FAM107B: variants seen among roughly 807,000 people sequenced by gnomAD.
The protein encoded by FAM107B is protein FAM107B.
Under a neutral mutation model 31.5 loss-of-function variants are expected in FAM107B, and 21 were observed. The observed-to-expected ratio is 0.67, with a 90% CI of 0.47 to 0.96. The LOEUF (loss-of-function observed/expected upper bound fraction) is 0.96. FAM107B is among the 40% of genes least tolerant of loss of function. The pLI, the probability that FAM107B is intolerant of heterozygous loss-of-function variation, is 0.00. For missense variants in FAM107B, 452 were observed against 377.1 expected (o/e 1.20, Z -1.64); for synonymous variants, 157 against 141.5 (o/e 1.11, Z -0.78).
intron 2 of FAM107B, among the ~76,000 whole-genome samples, chr10:14,651,708 A>C (rs10906730): frequency 0.11 from 16,681 of 152,220 alleles, 1,008 homozygotes; most frequent in South Asian, 0.18. Flanking sequence ...GACTTCCTTG[A>C]GACTGTAGAA....
At chr10:14,571,564 C>T (rs1423025069) in intron 2 of FAM107B, among the ~76,000 whole-genome samples, 1 of 152,154 alleles carries the variant, frequency 6.6e-6, no homozygotes, top group Non-Finnish European at 1.5e-5. Context: ...TTCACAACTA[C>T]ACAAGACACA....
intron 1 of FAM107B, among the ~76,000 whole-genome samples, chr10:14,690,456 AT>A (rs1200586214): frequency 2.0e-5 from 3 of 150,430 alleles, no homozygotes; most frequent in Admixed American, 6.6e-5. Context: ...TTATTTTTTT[AT>A]TTTTTTATTT....
chr10:14,527,736 T>A (rs1439977578), intron 3 of FAM107B, among the ~76,000 whole-genome samples: 1 of 152,310 alleles, frequency 6.6e-6, no homozygotes, highest in Admixed American at 6.5e-5. Flanking sequence ...TTTATTACAA[T>A]ACCATGCAGT....
At chr10:14,658,399 AC>A in intron 2 of FAM107B, among the ~76,000 whole-genome samples, 1 of 151,018 alleles carries the variant, frequency 6.6e-6, no homozygotes, top group South Asian at 2.1e-4. Flanking sequence ...TGAAGGCAAG[AC>A]CCATGTCTGA....
intron 1 of FAM107B, among the ~76,000 whole-genome samples, chr10:14,700,883 T>G (rs894193776): frequency 7.6e-5 from 11 of 145,098 alleles, no homozygotes; most frequent in Admixed American, 4.8e-4. Context: ...AGTAGAGCTA[T>G]GCTCACTTAT....
chr10:14,688,507 A>C (rs951809820), intron 1 of FAM107B, among the ~76,000 whole-genome samples: 2 of 152,220 alleles, frequency 1.3e-5, no homozygotes, highest in Admixed American at 6.5e-5. Flanking sequence ...AACCAACCAA[A>C]AGTCAACCAA....
At chr10:14,562,565 C>T (rs2131185164) in intron 2 of FAM107B, among the ~76,000 whole-genome samples, 1 of 152,310 alleles carries the variant, frequency 6.6e-6, no homozygotes, top group Admixed American at 6.5e-5. Context: ...CTTCCACTTG[C>T]AGGAAAACAG....
At chr10:14,587,486 T>A (rs559735229) in intron 2 of FAM107B, among the ~76,000 whole-genome samples, 2 of 152,344 alleles carry the variant, frequency 1.3e-5, no homozygotes, top group African/African-American at 4.8e-5. Context: ...ATGCCTAGGC[T>A]TATTTTCATG....
intron 2 of FAM107B, among the ~76,000 whole-genome samples, chr10:14,540,571 C>A (rs1394481371): frequency 2.0e-5 from 3 of 152,172 alleles, no homozygotes; most frequent in African/African-American, 7.2e-5. Context: ...AGCTTTCTGC[C>A]CACACTTCCT....
intron 2 of FAM107B, among the ~76,000 whole-genome samples, chr10:14,628,112 G>GTTTTGTTTT (rs1853214273): frequency 1.1e-5 from 1 of 92,676 alleles, no homozygotes; most frequent in South Asian, 4.5e-4. Context: ...TGTTTTGCTG[G>GTTTTGTTTT]TTTTTTTTTT....
intron 1 of FAM107B, among the ~76,000 whole-genome samples, chr10:14,741,966 G>A (rs1036530699): frequency 2.1e-4 from 32 of 151,624 alleles, no homozygotes; most frequent in Non-Finnish European, 2.8e-4. Flanking sequence ...CACCCACCTC[G>A]GTCTCCCAAA....
chr10:14,690,311 G>C (rs560635998), intron 1 of FAM107B, among the ~76,000 whole-genome samples: 12 of 152,318 alleles, frequency 7.9e-5, no homozygotes, highest in African/African-American at 2.9e-4. Flanking sequence ...TCCTATGAAA[G>C]GCTCTGCCTC....
chr10:14,640,734 G>A (rs1853607353), intron 2 of FAM107B, among the ~76,000 whole-genome samples: 1 of 152,064 alleles, frequency 6.6e-6, no homozygotes, highest in Non-Finnish European at 1.5e-5. Context: ...TAATGATAAG[G>A]AAACTGAGGC....
intron 2 of FAM107B, chr10:14,604,190 C>G: frequency 1.0e-6 from 1 of 978,628 alleles, no homozygotes; most frequent in South Asian, 4.7e-5. Flanking sequence ...CGCCCGCCTC[C>G]CCGCGCCCCT....
chr10:14,627,470 T>C (rs1272163157), intron 2 of FAM107B, among the ~76,000 whole-genome samples: 2 of 152,194 alleles, frequency 1.3e-5, no homozygotes, highest in Non-Finnish European at 2.9e-5. Flanking sequence ...GAAGATAGAA[T>C]GTAAAAAGAA....
intron 1 of FAM107B, among the ~76,000 whole-genome samples, chr10:14,763,384 G>A (rs1308208186): frequency 2.0e-5 from 3 of 152,204 alleles, no homozygotes; most frequent in Admixed American, 6.5e-5. Context: ...CAGAATTCAC[G>A]TGAGACATTC....
At chr10:14,575,211 GT>G (rs56368844) in intron 2 of FAM107B, among the ~76,000 whole-genome samples, 5 of 149,154 alleles carry the variant, frequency 3.4e-5, no homozygotes, top group East Asian at 2.0e-4. Context: ...TTGTTTTTTT[GT>G]TTTTTTTTTG....
At chr10:14,691,451 G>C (rs192229650) in intron 1 of FAM107B, among the ~76,000 whole-genome samples, 1 of 152,158 alleles carries the variant, frequency 6.6e-6, no homozygotes, top group Non-Finnish European at 1.5e-5. Context: ...CTGCTGCTTC[G>C]GGGTCGAAAC....
intron 1 of FAM107B, among the ~76,000 whole-genome samples, chr10:14,718,338 A>AAAGG (rs747098734): frequency 2.6e-5 from 4 of 151,248 alleles, no homozygotes; most frequent in African/African-American, 7.3e-5. Flanking sequence ...GAGACTCAAG[A>AAAGG]AAGGAAGGAA....
Sources: allele counts gnomAD v4.1 joint callset (sites outside exome capture counted in the v4.1 genomes callset), GRCh38; gene constraint gnomAD v4.1.1; transcripts MANE v1.5; gene names NCBI Gene and HGNC (gene_info 2026-07-23, HGNC 2026-07-21).